The following PTPRN2 variants were observed in gnomAD, a reference collection of about 807,000 sequenced individuals.
PTPRN2 encodes the protein protein tyrosine phosphatase receptor type N2.
A neutral mutation model predicts 118.8 loss-of-function variants in PTPRN2; 74 were observed. The observed-to-expected ratio is 0.62, with a 90% confidence interval of 0.52 to 0.76. PTPRN2 has a LOEUF of 0.76. PTPRN2 is among the 30% of genes least tolerant of loss of function. The pLI, the probability that PTPRN2 is intolerant of heterozygous loss-of-function variation, is 0.00. For synonymous variants in PTPRN2, 641 were observed against 608.0 expected, an observed-to-expected ratio of 1.05 and a Z score of -0.80; for missense variants, 1,481 against 1,394.4, an observed-to-expected ratio of 1.06 and a Z score of -0.99.
Position 157,896,200 on chromosome 7 carries a change from A to G in PTPRN2, c.1788+2473T>C, listed in dbSNP as rs555122037. Among the ~76,000 whole-genome samples, 199 of 151,100 alleles carry G rather than the reference A, an allele frequency of 1.3e-3. 1 individual carries two copies. Among genetic ancestry groups the G allele is most frequent in the Middle Eastern group, 3.4e-3 (1 of 294 alleles). On this transcript the variant is annotated intron_variant, in intron 12 of 22. Coordinates refer to ENST00000389418, the MANE Select transcript of PTPRN2 (RefSeq NM_002847.5). Reference sequence around the variant, plus strand: ...GGGAAGATGAAACCCAGATCCCCCAATCCAAGCAGGGAGTGCCTGGACATC... The same window carrying G: ...GGGAAGATGAAACCCAGATCCCCCAGTCCAAGCAGGGAGTGCCTGGACATC...
At position 158,222,861 on chromosome 7, in the gene PTPRN2, G is replaced by A. The variant is rs143890910; in HGVS notation, c.278-17588C>T. Among the ~76,000 whole-genome samples the A allele has an allele frequency of 4.8e-3, 725 of 151,848 alleles. 8 individuals are homozygous for A. The highest frequency in any genetic ancestry group is 0.017 in the African/African-American group (692 of 41,458). Reference sequence around the variant, plus strand: ...AAAGAAATCAATGTAATTTAAGTGAGAAAAAAATAGAGAAGATAAATGACA... The same window carrying A: ...AAAGAAATCAATGTAATTTAAGTGAAAAAAAAATAGAGAAGATAAATGACA... On this transcript the variant is annotated intron_variant, in intron 3 of 22. Coordinates refer to ENST00000389418, the MANE Select transcript of PTPRN2 (RefSeq NM_002847.5).
At chr7:157,781,609 C>T (rs955764348) in intron 12 of PTPRN2, among the ~76,000 whole-genome samples, 6 of 152,202 alleles carry the variant, frequency 3.9e-5, no homozygotes, top group Admixed American at 1.3e-4. Context: ...GAGTATGAAG[C>T]GTGCAGCTGG....
At chr7:158,485,835 C>A (rs1444998552) in intron 2 of PTPRN2, among the ~76,000 whole-genome samples, 2 of 152,186 alleles carry the variant, frequency 1.3e-5, no homozygotes, top group African/African-American at 2.4e-5. Flanking sequence ...TTTCTTTGAG[C>A]TTTTTCTGCT....
intron 3 of PTPRN2, among the ~76,000 whole-genome samples, chr7:158,270,812 GGACCGCCCCC>G (rs1798326426): frequency 1.1e-3 from 7 of 6,118 alleles, no homozygotes; most frequent in Non-Finnish European, 2.4e-3. Context: ...CCCCTCACCT[GGACCGCCCCC>G]TCCACCTGGA....
At chr7:157,996,294 A>G (rs1804725970) in intron 11 of PTPRN2, among the ~76,000 whole-genome samples, 1 of 152,210 alleles carries the variant, frequency 6.6e-6, no homozygotes, top group Non-Finnish European at 1.5e-5. Flanking sequence ...GGGAAGGGAG[A>G]GGAGGGTGAG....
intron 5 of PTPRN2, among the ~76,000 whole-genome samples, chr7:158,185,048 T>C (rs1019532892): frequency 1.3e-5 from 2 of 152,234 alleles, no homozygotes; most frequent in East Asian, 3.8e-4. Flanking sequence ...TGTTGGTTGA[T>C]GTTTAAATGT....
chr7:158,226,674 T>C (rs76775684), intron 3 of PTPRN2, among the ~76,000 whole-genome samples: 1 of 95,262 alleles, frequency 1.0e-5, no homozygotes, highest in Non-Finnish European at 2.0e-5. Flanking sequence ...AGCGCTTCCC[T>C]TTTTTTTTTT....
chr7:158,560,475 G>T (rs1432610097), intron 1 of PTPRN2, among the ~76,000 whole-genome samples: 1 of 152,278 alleles, frequency 6.6e-6, no homozygotes. Flanking sequence ...TTGCTGGACT[G>T]CTAGGTGAAA....
chr7:158,072,836 CG>C (rs1812046530), intron 11 of PTPRN2, among the ~76,000 whole-genome samples: 1 of 152,262 alleles, frequency 6.6e-6, no homozygotes, highest in African/African-American at 2.4e-5. Context: ...AACGGGCTGG[CG>C]GAACATAATT....
intron 10 of PTPRN2, among the ~76,000 whole-genome samples, chr7:158,089,574 T>G (rs71543632): frequency 0.066 from 4,286 of 64,918 alleles, 26 homozygotes; most frequent in South Asian, 0.11. Flanking sequence ...CTTCCCCTGA[T>G]GAAAGAGGGA....
Position 157,787,084 on chromosome 7 carries a change from C to T in PTPRN2, c.1789-104147G>A, listed in dbSNP as rs1246444167. ...GCGGACGCGGGTGCGGCGGGGGACG[C>T]GGGGGTGGCTGCCCGGGAGGCGGAC... On this transcript the variant is annotated intron_variant, in intron 12 of 22. Coordinates refer to ENST00000389418, the MANE Select transcript of PTPRN2 (RefSeq NM_002847.5). This position sits in a 1 kb window ranked among gnomAD's most constrained non-coding sequence, Gnocchi z 5.3. 1.9e-4 allele frequency among the ~76,000 whole-genome samples: 14 copies of T among 74,760 alleles called. 1 individual carries two copies. The highest frequency in any genetic ancestry group is 5.2e-4 in the South Asian group (1 of 1,924). 49.0% of individuals were successfully genotyped at this position (74,760 alleles called of 152,430 possible). A position where few individuals can be genotyped will look rare whatever the true frequency, so the allele number is the denominator to read the frequency against.
chr7:157,785,502 C>T lies in PTPRN2; in HGVS notation c.1789-102565G>A, dbSNP rs1803977651. Among the ~76,000 whole-genome samples, 1 of 152,194 alleles carries T rather than the reference C, an allele frequency of 6.6e-6. No individual in the cohort carries two copies. Among genetic ancestry groups the T allele is most frequent in the African/African-American group, 2.4e-5 (1 of 41,444 alleles). On this transcript the variant is annotated intron_variant, in intron 12 of 22. Coordinates refer to ENST00000389418, the MANE Select transcript of PTPRN2 (RefSeq NM_002847.5). This position sits in a 1 kb window ranked among gnomAD's most constrained non-coding sequence, Gnocchi z 7.3. ...AGAGCCAGCACTCGCGGGCAGGCCTCCCCAGGACCAGAGCGCCTGCGACCT... is the reference window on the plus strand; with the variant it reads ...AGAGCCAGCACTCGCGGGCAGGCCTTCCCAGGACCAGAGCGCCTGCGACCT...
chr7:157,581,215 A>G (rs1800368447), intron 17 of PTPRN2, among the ~76,000 whole-genome samples: 1 of 152,250 alleles, frequency 6.6e-6, no homozygotes, highest in Non-Finnish European at 1.5e-5. Flanking sequence ...AACCAAAGTC[A>G]CCAACATGGA....
intron 11 of PTPRN2, among the ~76,000 whole-genome samples, chr7:158,052,926 G>T (rs1809447340): frequency 6.6e-6 from 1 of 152,158 alleles, no homozygotes; most frequent in South Asian, 2.1e-4. Context: ...GCCCTCCCTG[G>T]CCAGTGCCGC....
At chr7:158,409,810 G>A (rs1199263284) in intron 2 of PTPRN2, among the ~76,000 whole-genome samples, 1 of 152,174 alleles carries the variant, frequency 6.6e-6, no homozygotes, top group Non-Finnish European at 1.5e-5. Flanking sequence ...TGCAGAATCT[G>A]GCAAGTGTTT....
At chr7:158,113,804 A>G (rs1441999549) in intron 9 of PTPRN2, among the ~76,000 whole-genome samples, 1 of 152,198 alleles carries the variant, frequency 6.6e-6, no homozygotes, top group Non-Finnish European at 1.5e-5. Context: ...GCCACCAGGG[A>G]CACAGCCTAC....
At chr7:157,568,122 A>C (rs1237067604) in intron 21 of PTPRN2, among the ~76,000 whole-genome samples, 1 of 152,192 alleles carries the variant, frequency 6.6e-6, no homozygotes, top group Non-Finnish European at 1.5e-5. Context: ...AGAGGTTAAA[A>C]GCTCTGTCCA....
intron 10 of PTPRN2, among the ~76,000 whole-genome samples, chr7:158,109,265 A>G (rs1329143671): frequency 6.8e-6 from 1 of 148,060 alleles, no homozygotes; most frequent in Non-Finnish European, 1.5e-5. Context: ...GAATGACATA[A>G]CTCCTGAGTG....
chr7:157,997,169 C>T (rs1206916775), intron 11 of PTPRN2, among the ~76,000 whole-genome samples: 1 of 152,228 alleles, frequency 6.6e-6, no homozygotes, highest in South Asian at 2.1e-4. Flanking sequence ...GCCAGTTCTG[C>T]ACAGAGCTGC....
Sources: allele counts gnomAD v4.1 joint callset (sites outside exome capture counted in the v4.1 genomes callset), GRCh38; gene constraint gnomAD v4.1.1; non-coding constraint Gnocchi (gnomAD v3.1); transcripts MANE v1.5; gene names NCBI Gene and HGNC (gene_info 2026-07-23, HGNC 2026-07-21).